ERICH1: variants seen among roughly 807,000 people sequenced by gnomAD.
ERICH1 encodes glutamate rich 1.
ERICH1 carries 56 observed loss-of-function variants against 39.6 expected under a neutral mutation model. The ratio of observed to expected loss-of-function variants is 1.41; its 90% CI spans 1.14 to 1.77. The LOEUF (loss-of-function observed/expected upper bound fraction) is 1.77. Ranked by LOEUF, ERICH1 falls within the 40% of genes most tolerant of loss-of-function variation. ERICH1 has a pLI of 0.00. For missense variants in ERICH1, 826 were observed against 575.4 expected, an observed-to-expected ratio of 1.44 and a Z score of -4.45; for synonymous variants, 313 against 223.6, an observed-to-expected ratio of 1.40 and a Z score of -3.57.
At chr8:656,292 C>T (rs1344728221) in intron 3 of ERICH1, among the ~76,000 whole-genome samples, 1 of 152,212 alleles carries the variant, frequency 6.6e-6, no homozygotes, top group Non-Finnish European at 1.5e-5. Context: ...TCCTCCCCTT[C>T]GAAATCTGCA....
chr8:707,342 G>A (rs978331796), intron 2 of ERICH1, among the ~76,000 whole-genome samples: 1 of 151,744 alleles, frequency 6.6e-6, no homozygotes, highest in Non-Finnish European at 1.5e-5. Context: ...CAGGTAGCTG[G>A]GACTACAGGT....
chr8:615,123 T>C, exon 4 of ERICH1: 1 of 607,498 alleles, frequency 1.6e-6, no homozygotes, highest in South Asian at 2.0e-5. Context: ...CATCTGAGTC[T>C]TGGGCTCCCG....
At chr8:676,487 A>G (rs62487388) in intron 3 of ERICH1, among the ~76,000 whole-genome samples, 5,280 of 45,590 alleles carry the variant, frequency 0.12, 477 homozygotes, top group African/African-American at 0.23. Context: ...GAGGACAGAG[A>G]CGCGGCGGCC....
At chr8:631,496 T>G (rs1433851499) in intron 3 of ERICH1, among the ~76,000 whole-genome samples, 1 of 152,194 alleles carries the variant, frequency 6.6e-6, no homozygotes, top group African/African-American at 2.4e-5. Context: ...AACAGTCCGA[T>G]GTCTGCGCCA....
intron 3 of ERICH1, among the ~76,000 whole-genome samples, chr8:639,840 C>G (rs1342252727): frequency 7.8e-6 from 1 of 127,468 alleles, no homozygotes; most frequent in Admixed American, 8.2e-5. Flanking sequence ...GCAGACACAC[C>G]AAGCACCCTG....
chr8:652,846 A>C (rs1422668990), intron 3 of ERICH1, among the ~76,000 whole-genome samples: 2 of 152,240 alleles, frequency 1.3e-5, no homozygotes, highest in African/African-American at 4.8e-5. Context: ...GCACGCAAAA[A>C]GATGTCCGGC....
At chr8:620,485 C>G (rs1398931534) in intron 3 of ERICH1, among the ~76,000 whole-genome samples, 1 of 152,144 alleles carries the variant, frequency 6.6e-6, no homozygotes. Flanking sequence ...GTGTGTGTCT[C>G]TGTGTGTGTC....
chr8:680,996 G>C (rs560755451), intron 3 of ERICH1, among the ~76,000 whole-genome samples: 6 of 152,328 alleles, frequency 3.9e-5, no homozygotes, highest in Non-Finnish European at 8.8e-5. Flanking sequence ...AGTGGTCTCA[G>C]GGTCATGCTA....
chr8:708,681 GTTTTTTTTTTTTTTT>G (rs139731216), intron 2 of ERICH1, among the ~76,000 whole-genome samples: 1 of 65,816 alleles, frequency 1.5e-5, no homozygotes, highest in Non-Finnish European at 3.0e-5. Flanking sequence ...GGGATAATGA[GTTTTTTTTTTTTTTT>G]TTTTTTTTTT....
chr8:651,846 C>T (rs7820788), intron 3 of ERICH1, among the ~76,000 whole-genome samples: 138,902 of 152,214 alleles, frequency 0.91, 63,471 homozygotes, highest in South Asian at 0.95. Context: ...AGGAAAGGGA[C>T]TGACTTCAGC....
chr8:619,870 A>G (rs7818044), intron 3 of ERICH1, among the ~76,000 whole-genome samples: 42,038 of 152,108 alleles, frequency 0.28, 6,266 homozygotes, highest in Middle Eastern at 0.39. Flanking sequence ...TGATGTTAAG[A>G]TGTACATTGT....
intron 3 of ERICH1, among the ~76,000 whole-genome samples, chr8:680,575 G>A (rs1293269355): frequency 1.4e-5 from 2 of 146,112 alleles, no homozygotes; most frequent in African/African-American, 2.6e-5. Flanking sequence ...CCCCTCCCCC[G>A]AAAACACGGA....
intron 1 of ERICH1, among the ~76,000 whole-genome samples, chr8:717,514 A>G (rs1289889101): frequency 1.3e-5 from 2 of 152,240 alleles, no homozygotes; most frequent in African/African-American, 4.8e-5. Flanking sequence ...TCCAATGGTC[A>G]CATTTCCTTC....
chr8:684,695 G>A (rs999673515), intron 3 of ERICH1, among the ~76,000 whole-genome samples: 4 of 152,052 alleles, frequency 2.6e-5, no homozygotes, highest in Admixed American at 6.5e-5. Context: ...CCTAAGCATC[G>A]GCCAGTCTGA....
At chr8:636,205 C>G (rs1000567665) in intron 3 of ERICH1, among the ~76,000 whole-genome samples, 4 of 152,244 alleles carry the variant, frequency 2.6e-5, no homozygotes, top group African/African-American at 9.6e-5. Flanking sequence ...TGAATCCCTG[C>G]GCCCCAACCA....
At chr8:656,735 A>G in intron 3 of ERICH1, 1 of 985,210 alleles carries the variant, frequency 1.0e-6, no homozygotes, top group African/African-American at 1.7e-5. Flanking sequence ...TGGGAAGAAC[A>G]TTTCTACAAG....
chr8:718,256 G>A (rs917441041), intron 1 of ERICH1, among the ~76,000 whole-genome samples: 4 of 152,064 alleles, frequency 2.6e-5, no homozygotes, highest in East Asian at 1.9e-4. Flanking sequence ...CGGAGAAACC[G>A]CACAACACAC....
intron 3 of ERICH1, among the ~76,000 whole-genome samples, chr8:679,744 G>A (rs1484550471): frequency 6.6e-6 from 1 of 152,236 alleles, no homozygotes; most frequent in Non-Finnish European, 1.5e-5. Context: ...CAGGTCCTGT[G>A]ACATCACTGT....
intron 1 of ERICH1, among the ~76,000 whole-genome samples, chr8:716,531 C>A (rs1036272531): frequency 6.6e-6 from 1 of 152,360 alleles, no homozygotes; most frequent in Non-Finnish European, 1.5e-5. Flanking sequence ...AACGTGTCAA[C>A]AACTGCGAAT....
Sources: gnomAD v4.1 joint callset for allele counts (sites outside exome capture counted in the v4.1 genomes callset) on GRCh38, gnomAD v4.1.1 for gene constraint, MANE v1.5 for transcripts, NCBI Gene and HGNC (gene_info 2026-07-23, HGNC 2026-07-21) for gene names.